C12orf56: variants seen among roughly 807,000 people sequenced by gnomAD.
C12orf56 encodes uncharacterized protein C12orf56.
Under a neutral mutation model 69.9 loss-of-function variants are expected in C12orf56, and 71 were observed. The observed-to-expected ratio is 1.02, with a 90% CI of 0.84 to 1.24. The LOEUF (loss-of-function observed/expected upper bound fraction) is 1.24. Ranked by LOEUF, C12orf56 falls within the 50% of genes most tolerant of loss-of-function variation. C12orf56 has a pLI of 0.00. For missense variants in C12orf56, 732 were observed against 738.5 expected (o/e 0.99, Z 0.10); for synonymous variants, 276 against 274.1 (o/e 1.01, Z -0.07).
At chr12:64,322,582 C>T (rs1312367262) in intron 3 of C12orf56, among the ~76,000 whole-genome samples, 1 of 152,030 alleles carries the variant, frequency 6.6e-6, no homozygotes, top group African/African-American at 2.4e-5. Flanking sequence ...CTTTGGGAGG[C>T]CGAGGTGGAA....
intron 2 of C12orf56, among the ~76,000 whole-genome samples, chr12:64,351,578 C>T (rs565942483): frequency 6.6e-6 from 1 of 152,256 alleles, no homozygotes; most frequent in Non-Finnish European, 1.5e-5. Context: ...ATAGGGTGTA[C>T]ATGAGTAAGA....
chr12:64,279,956 T>C (rs1187932768), intron 8 of C12orf56, among the ~76,000 whole-genome samples: 1 of 152,130 alleles, frequency 6.6e-6, no homozygotes, highest in South Asian at 2.1e-4. Flanking sequence ...CAAAGTATCA[T>C]ACATCCAAAG....
intron 9 of C12orf56, among the ~76,000 whole-genome samples, chr12:64,276,943 G>A (rs1166692931): frequency 2.3e-5 from 3 of 128,804 alleles, no homozygotes; most frequent in Non-Finnish European, 3.1e-5. Flanking sequence ...GCAGTGAGCC[G>A]AGATTGTGCC....
At chr12:64,333,411 G>A (rs7487859) in intron 2 of C12orf56, among the ~76,000 whole-genome samples, 44,270 of 151,410 alleles carry the variant, frequency 0.29, 6,790 homozygotes, top group East Asian at 0.49. Context: ...TCTTTTTTGT[G>A]CGAAGTCATT....
intron 2 of C12orf56, among the ~76,000 whole-genome samples, chr12:64,352,099 G>GTTTTTTTTTTTTTTTTTTT (rs55762803): frequency 2.0e-5 from 3 of 148,772 alleles, no homozygotes; most frequent in African/African-American, 7.7e-5. Context: ...TTTTGTTTTT[G>GTTTTTTTTTTTTTTTTTTT]TTTTTTTTTT....
chr12:64,386,483 G>A (rs1408498824), intron 1 of C12orf56, among the ~76,000 whole-genome samples: 4 of 151,084 alleles, frequency 2.6e-5, no homozygotes, highest in South Asian at 2.1e-4. Flanking sequence ...CGCAACCTCC[G>A]CCTCCCGGGT....
chr12:64,383,521 C>T (rs998331452), intron 1 of C12orf56, among the ~76,000 whole-genome samples: 1 of 151,908 alleles, frequency 6.6e-6, no homozygotes, highest in Non-Finnish European at 1.5e-5. Flanking sequence ...GGACTACAGA[C>T]GCGTGCCACC....
intron 1 of C12orf56, among the ~76,000 whole-genome samples, chr12:64,361,428 CAAG>C (rs2039399133): frequency 1.3e-5 from 2 of 151,946 alleles, no homozygotes; most frequent in African/African-American, 2.4e-5. Flanking sequence ...GAGCTCAGCA[CAAG>C]ATACAGGTCA....
chr12:64,323,449 A>T (rs1400281192), intron 3 of C12orf56, among the ~76,000 whole-genome samples: 1 of 152,152 alleles, frequency 6.6e-6, no homozygotes, highest in African/African-American at 2.4e-5. Flanking sequence ...ACTGAATTTC[A>T]TGAGTTGACG....
chr12:64,301,668 G>A (rs1004248019), intron 6 of C12orf56, among the ~76,000 whole-genome samples: 1 of 152,182 alleles, frequency 6.6e-6, no homozygotes, highest in Admixed American at 6.5e-5. Context: ...GGAAAACTTT[G>A]TAATTTTGAA....
At chr12:64,365,510 GA>G (rs2039454888) in intron 1 of C12orf56, among the ~76,000 whole-genome samples, 1 of 151,372 alleles carries the variant, frequency 6.6e-6, no homozygotes, top group South Asian at 2.1e-4. Flanking sequence ...AAGGCTCAGA[GA>G]ACTAAGTTAC....
At chr12:64,298,536 C>G (rs2038400354) in intron 6 of C12orf56, among the ~76,000 whole-genome samples, 2 of 152,144 alleles carry the variant, frequency 1.3e-5, no homozygotes, top group African/African-American at 2.4e-5. Context: ...AGTCTTTAAT[C>G]CACCTTGAGT....
At chr12:64,329,632 C>T (rs981010509) in intron 3 of C12orf56, among the ~76,000 whole-genome samples, 5 of 147,158 alleles carry the variant, frequency 3.4e-5, no homozygotes, top group Admixed American at 1.4e-4. Context: ...CCCACTAACT[C>T]GTCATCTAGC....
chr12:64,361,420 G>T (rs143387901), intron 1 of C12orf56, among the ~76,000 whole-genome samples: 203 of 152,170 alleles, frequency 1.3e-3, no homozygotes, highest in African/African-American at 4.8e-3. Flanking sequence ...TGAGACAGGA[G>T]CTCAGCACAA....
chr12:64,356,975 C>A (rs1307044731), intron 1 of C12orf56, among the ~76,000 whole-genome samples: 1 of 152,106 alleles, frequency 6.6e-6, no homozygotes, highest in Non-Finnish European at 1.5e-5. Flanking sequence ...AACCAAAAGT[C>A]AAAATCTCCT....
At chr12:64,376,176 G>C (rs750755782) in intron 1 of C12orf56, among the ~76,000 whole-genome samples, 7 of 152,168 alleles carry the variant, frequency 4.6e-5, no homozygotes, top group Non-Finnish European at 7.3e-5. Context: ...GAAGTTGAAA[G>C]ATTGGGCTAC....
chr12:64,269,714 G>A (rs959432982), intron 12 of C12orf56, among the ~76,000 whole-genome samples: 9 of 151,658 alleles, frequency 5.9e-5, no homozygotes, highest in South Asian at 2.1e-4. Context: ...TCAGCCTCCC[G>A]AATAGCTGGG....
intron 9 of C12orf56, among the ~76,000 whole-genome samples, chr12:64,276,204 G>A (rs2038049345): frequency 6.6e-6 from 1 of 152,118 alleles, no homozygotes; most frequent in Non-Finnish European, 1.5e-5. Flanking sequence ...CACCATGCTA[G>A]GTGTTGGGGA....
intron 6 of C12orf56, among the ~76,000 whole-genome samples, chr12:64,302,314 C>A (rs2038456352): frequency 6.6e-6 from 1 of 152,166 alleles, no homozygotes; most frequent in Non-Finnish European, 1.5e-5. Context: ...TTATTCTCTA[C>A]AGCTAATCTG....
Sources: allele counts gnomAD v4.1 joint callset (sites outside exome capture counted in the v4.1 genomes callset), GRCh38; gene constraint gnomAD v4.1.1; transcripts MANE v1.5; gene names NCBI Gene and HGNC (gene_info 2026-07-23, HGNC 2026-07-21).